The following ELOVL3 variants were observed in gnomAD, a reference collection of about 807,000 sequenced individuals.
ELOVL3 encodes very long chain fatty acid elongase 3.
In ELOVL3, 11 loss-of-function variants were observed where a neutral mutation model predicts 14.9. The ratio of observed to expected loss-of-function variants is 0.74; its 90% CI spans 0.46 to 1.22. The LOEUF is 1.22. ELOVL3 is among the 50% of genes most tolerant of loss of function. The probability of loss-of-function intolerance (pLI) is 0.00; values close to 1 mark genes in which losing one functional copy is unlikely to be tolerated. For missense variants in ELOVL3, 277 were observed against 338.9 expected (o/e 0.82, Z 1.43); for synonymous variants, 117 against 124.7 (o/e 0.94, Z 0.41).
rs540283969 is a variant in ELOVL3, at chr10:102,228,567, C to T, written c.384C>T (p.Leu128=). 13 of 1,613,932 alleles carry T rather than the reference C, an allele frequency of 8.1e-6. No individual in the cohort carries two copies. The highest frequency in any genetic ancestry group is 3.3e-5 in the South Asian group (3 of 91,036). The change falls in exon 3 of 4, where the codon CTC becomes CTT. Residue 128 remains leucine, a splice_region_variant and synonymous_variant. Transcript: ENST00000370005. ...WVFLLSKVIE[L]GDTAFIILRK... Reference sequence around the variant, plus strand: ...TTCTTCTCAGCAAGGTCATAGAACTCGGTGAGTGGCAAAGCTTTGTCTTTC... The same window carrying T: ...TTCTTCTCAGCAAGGTCATAGAACTTGGTGAGTGGCAAAGCTTTGTCTTTC...
At position 102,228,807 on chromosome 10, in the gene ELOVL3, T is replaced by C; in HGVS notation, c.386-18T>C. 1.3e-6 allele frequency: 2 copies of C among 1,595,016 alleles called. No individual in the cohort carries two copies. Among genetic ancestry groups the C allele is most frequent in the Non-Finnish European group, 8.6e-7 (1 of 1,169,178 alleles). The stretch of plus-strand genomic sequence containing the variant: ...CCAGCACTGGGTGGTATGCCAACTA[T>C]GACTCTCCATCTCCCAGGAGACACA... On this transcript the variant is annotated intron_variant, in intron 3 of 3. Coordinates refer to ENST00000370005, the MANE Select transcript of ELOVL3 (RefSeq NM_152310.3).
In ELOVL3 at chr10:102,229,438, T is replaced by TA. The variant is rs1431120769; in HGVS notation, c.*187dup. 1.2e-5 allele frequency: 7 copies of TA among 595,906 alleles called. No individual in the cohort carries two copies. Among genetic ancestry groups the TA allele is most frequent in the African/African-American group, 3.7e-5 (2 of 53,964 alleles). The allele number at this position is 595,906 out of a possible 1,614,324, so 36.9% of individuals were successfully genotyped here. ...ACCTTGGGATGGGGGTGTGGTCTGT[T>TA]ACTTTAATGTTTCTGTTTTTAATGT... On this transcript the variant is annotated 3_prime_UTR_variant, in exon 4 of 4. Transcript: ENST00000370005.
Position 102,226,573 on chromosome 10 carries a change from C to G in ELOVL3, c.25C>G (p.His9Asp). 1 of 1,614,076 alleles carries G rather than the reference C, an allele frequency of 6.2e-7. No individual in the cohort carries two copies. Among genetic ancestry groups the G allele is most frequent in the Non-Finnish European group, 8.5e-7 (1 of 1,179,946 alleles). ...GATGGTCACAGCCATGAATGTCTCA[C>G]ATGAAGTAAATCAGCTGTTCCAGCC... MVTAMNVS[H>D]EVNQLFQPYN... The change falls in exon 1 of 4, where the codon CAT becomes GAT. Residue 9 changes from histidine (H) to aspartate (D), a missense_variant. By Grantham distance (81) the His-to-Asp change is moderately conservative (BLOSUM62 -1). Coordinates refer to ENST00000370005, the MANE Select transcript of ELOVL3 (RefSeq NM_152310.3).
At chr10:102,228,151 A>T (rs1411308839) in intron 2 of ELOVL3, among the ~76,000 whole-genome samples, 2 of 151,390 alleles carry the variant, frequency 1.3e-5, no homozygotes, top group Non-Finnish European at 2.9e-5. Context: ...CAGGCTCCTA[A>T]CCCCTCCCAA....
At chr10:102,226,279 A>G (rs544594303), upstream of ELOVL3, 1 of 435,526 alleles carries the variant, frequency 2.3e-6, no homozygotes, top group East Asian at 4.8e-5. Flanking sequence ...ATCTTGGTCG[A>G]GATTGGATAG....
Position 102,229,387 on chromosome 10 carries a change from G to T in ELOVL3, c.*135G>T. On this transcript the variant is annotated 3_prime_UTR_variant, in exon 4 of 4. Transcript: ENST00000370005. ...AGAGGATGTGTGCCCCAAGGTGGCT[G>T]GAATTTTTGACAGACAAGAAGGGTG... The T allele has an allele frequency of 1.2e-6, 1 of 839,906 alleles. No homozygotes were observed. Among genetic ancestry groups the T allele is most frequent in the Non-Finnish European group, 1.8e-6 (1 of 555,230 alleles). The allele number at this position is 839,906 out of a possible 1,614,324, so 52.0% of individuals were successfully genotyped here.
rs1206270392 is a variant in ELOVL3, at chr10:102,227,647, C to T, written c.123C>T (p.Ala41=). Residue 41 remains alanine, a synonymous_variant, in exon 2 of 4, where the codon GCC becomes GCT. Transcript: ENST00000370005. The part of the protein sequence containing the change: ...EEYWATSFPI[A]LIYLVLIAVG... ...CCAGGGCAACCTCATTCCCCATAGC[C>T]CTGATCTACCTGGTTCTCATCGCTG... 1 of 1,613,508 alleles carries T rather than the reference C, an allele frequency of 6.2e-7. No homozygotes were observed. The highest frequency in any genetic ancestry group is 8.5e-7 in the Non-Finnish European group (1 of 1,179,792).
rs2070167945 is a variant in ELOVL3 at position 102,228,970 on chromosome 10, T to C, written c.531T>C (p.Val177=). Residue 177 remains valine, a synonymous_variant, in exon 4 of 4, where the codon GTT becomes GTC. Transcript: ENST00000370005. ...GGTTCGTCACCATGAACTTTGGTGT[T>C]CATGCCATCATGTACACCTACTACA... ...GGWFVTMNFG[V]HAIMYTYYTL... 1 of 1,614,066 alleles carries C rather than the reference T, an allele frequency of 6.2e-7. No homozygotes were observed. The highest frequency in any genetic ancestry group is 1.3e-5 in the African/African-American group (1 of 74,910).
chr10:102,228,155 C>T (rs1203029075), intron 2 of ELOVL3, among the ~76,000 whole-genome samples: 10 of 152,286 alleles, frequency 6.6e-5, no homozygotes, highest in Admixed American at 5.2e-4. Flanking sequence ...CTCCTAACCC[C>T]TCCCAAGAAC....
chr10:102,227,703 G>T lies in ELOVL3; in HGVS notation c.179G>T (p.Gly60Val). 6.2e-7 allele frequency: 1 copy of T among 1,613,688 alleles called. No homozygotes were observed. Among genetic ancestry groups the T allele is most frequent in the Non-Finnish European group, 8.5e-7 (1 of 1,179,916 alleles). The change falls in exon 2 of 4, where the codon GGC (glycine) becomes GTC (valine). Residue 60 changes from glycine to valine, a missense_variant. Gly to Val is a moderately radical substitution (Grantham distance 109). Transcript: ENST00000370005. ...VGQNYMKERK[G>V]FNLQGPLILW... ...CAGAACTACATGAAGGAACGCAAGG[G>T]CTTCAACCTGCAAGGGCCTCTCATC...
intron 2 of ELOVL3, 41 bp downstream of exon 2, chr10:102,227,798 A>C: frequency 1.2e-6 from 2 of 1,607,838 alleles, no homozygotes; most frequent in Non-Finnish European, 1.7e-6. Flanking sequence ...TCTAGATCTT[A>C]GACCACCATT....
chr10:102,227,818 G>A (rs2133790627), intron 2 of ELOVL3, 61 bp downstream of exon 2: 8 of 1,584,666 alleles, frequency 5.0e-6, no homozygotes, highest in Non-Finnish European at 6.9e-6. Flanking sequence ...TCTATCCCTT[G>A]AAGCTTTCCC....
Position 102,227,699 on chromosome 10 carries a change from A to G in ELOVL3, c.175A>G (p.Lys59Glu), listed in dbSNP as rs957547966. Residue 59 changes from lysine to glutamate, a missense_variant, in exon 2 of 4, where the codon AAG becomes GAG. Physicochemically the swap from Lys to Glu is moderately conservative, Grantham distance 56 (BLOSUM62 1). Transcript: ENST00000370005. ...AVGQNYMKER[K>E]GFNLQGPLIL... ...GGGGCAGAACTACATGAAGGAACGC[A>G]AGGGCTTCAACCTGCAAGGGCCTCT... is the stretch of plus-strand genomic sequence containing the variant. 21 of 1,613,588 alleles carry G rather than the reference A, an allele frequency of 1.3e-5. No individual in the cohort carries two copies. The highest frequency in any genetic ancestry group is 1.6e-5 in the Non-Finnish European group (19 of 1,179,882).
In ELOVL3 at chr10:102,229,066, G is replaced by A. The variant is rs779200623; in HGVS notation, c.627G>A (p.Gln209=). Residue 209 remains glutamine, a synonymous_variant, in exon 4 of 4, where the codon CAG becomes CAA. Transcript: ENST00000370005. Reference sequence around the variant, plus strand: ...TCATCACCAGCCTGCAGATCTTGCAGATGTTTGTAGGAGCCATCGTCAGCA... The same window carrying A: ...TCATCACCAGCCTGCAGATCTTGCAAATGTTTGTAGGAGCCATCGTCAGCA... ...PMLITSLQIL[Q]MFVGAIVSIL... is the part of the protein sequence containing the mutation. 3 of 1,614,210 alleles carry A rather than the reference G, an allele frequency of 1.9e-6. No individual in the cohort carries two copies. The East Asian group carries it at 6.7e-5, about 36-fold the overall frequency.
chr10:102,228,211 G>A (rs1233721523), intron 2 of ELOVL3, among the ~76,000 whole-genome samples: 1 of 152,038 alleles, frequency 6.6e-6, no homozygotes, highest in Non-Finnish European at 1.5e-5. Context: ...TGCATTCCCT[G>A]ATCTTTCTCC....
At chr10:102,227,801 C>T (rs1459629212) in intron 2 of ELOVL3, 44 bp downstream of exon 2, 3 of 1,605,656 alleles carry the variant, frequency 1.9e-6, no homozygotes, top group Non-Finnish European at 2.6e-6. Context: ...AGATCTTAGA[C>T]CACCATTCTA....
At chr10:102,226,676 A>T in intron 1 of ELOVL3, 27 bp downstream of exon 1, 1 of 1,576,230 alleles carries the variant, frequency 6.3e-7, no homozygotes, top group Non-Finnish European at 8.7e-7. Flanking sequence ...GGGAAAGGCC[A>T]TGCCAGGGCC....
rs993826543 is a variant in ELOVL3 at position 102,226,322 on chromosome 10, C to G, written c.-227C>G. On this transcript the variant is annotated 5_prime_UTR_variant, in exon 1 of 4. Coordinates refer to ENST00000370005, the MANE Select transcript of ELOVL3 (RefSeq NM_152310.3). ...GCGCAGGAAAGAGGTCGCGCCAGCC[C>G]GGGCAGGCAGCTTTGCAAGTCCGCG... 10 of 510,518 alleles carry G rather than the reference C, an allele frequency of 2.0e-5. No individual in the cohort carries two copies. The highest frequency in any genetic ancestry group is 4.5e-5 in the South Asian group (2 of 44,464). 31.6% of individuals were successfully genotyped at this position (510,518 alleles called of 1,614,324 possible). A position where few individuals can be genotyped will look rare whatever the true frequency, so the allele number is the denominator to read the frequency against.
At chr10:102,225,439 T>C (rs1268411576), upstream of ELOVL3, among the ~76,000 whole-genome samples, 1 of 152,194 alleles carries the variant, frequency 6.6e-6, no homozygotes, top group Non-Finnish European at 1.5e-5. Flanking sequence ...CCACCTTATC[T>C]CAAACTGCCC....
Sources: allele counts gnomAD v4.1 joint callset (sites outside exome capture counted in the v4.1 genomes callset), GRCh38; gene constraint gnomAD v4.1.1; transcripts MANE v1.5; gene names NCBI Gene and HGNC (gene_info 2026-07-23, HGNC 2026-07-21).